Variants in FRYL observed in about 807,000 individuals in gnomAD.
The protein encoded by FRYL is FRY like transcription coactivator.
In FRYL, 150 loss-of-function variants were observed where a neutral mutation model predicts 351.2. That is an observed-to-expected ratio of 0.43 (90% confidence interval 0.37 to 0.49). The LOEUF (loss-of-function observed/expected upper bound fraction) is 0.49, where lower values mean the gene tolerates loss of function less well. Among genes scored for constraint, FRYL ranks in the 20% least tolerant of loss-of-function variants. The pLI, the probability that FRYL is intolerant of heterozygous loss-of-function variation, is 0.00. For missense variants in FRYL, 3,036 were observed against 3,619.3 expected (o/e 0.84, Z 4.13); for synonymous variants, 1,153 against 1,257.1 (o/e 0.92, Z 1.75).
intron 59 of FRYL, among the ~76,000 whole-genome samples, chr4:48,509,710 A>G (rs979046247): frequency 2.6e-5 from 4 of 152,194 alleles, no homozygotes; most frequent in Non-Finnish European, 4.4e-5. Context: ...CATGGGAAAA[A>G]GATTACAGCT....
chr4:48,748,606 G>A (rs947220792), intron 1 of FRYL, among the ~76,000 whole-genome samples: 23 of 152,126 alleles, frequency 1.5e-4, no homozygotes, highest in African/African-American at 5.1e-4. Flanking sequence ...CAGATGGGAA[G>A]TAGATACTTA....
chr4:48,763,780 A>G (rs961204577), intron 1 of FRYL, among the ~76,000 whole-genome samples: 4 of 152,338 alleles, frequency 2.6e-5, no homozygotes, highest in South Asian at 2.1e-4. Flanking sequence ...CTAGAAGTCC[A>G]TATAGGAAAG....
intron 25 of FRYL, chr4:48,574,412 T>C (rs1361655859): frequency 6.6e-6 from 1 of 152,188 alleles, no homozygotes; most frequent in Non-Finnish European, 1.5e-5. Flanking sequence ...CCTATAGATA[T>C]ATTACAATTT....
chr4:48,605,682 A>G, intron 11 of FRYL, 59 bp downstream of exon 11: 1 of 1,075,664 alleles, frequency 9.3e-7, no homozygotes, highest in South Asian at 1.3e-5. Context: ...ATAAAAGTAT[A>G]AGGTTGATAA....
chr4:48,685,798 G>C (rs533365741), intron 2 of FRYL, among the ~76,000 whole-genome samples: 1 of 151,896 alleles, frequency 6.6e-6, no homozygotes, highest in South Asian at 2.1e-4. Flanking sequence ...TTGTTGCCCA[G>C]GCTAGAGTGC....
At chr4:48,646,608 T>A (rs985649385) in intron 3 of FRYL, among the ~76,000 whole-genome samples, 7 of 152,126 alleles carry the variant, frequency 4.6e-5, no homozygotes, top group African/African-American at 9.7e-5. Flanking sequence ...CTGCAAACAG[T>A]TACTTCCAGA....
chr4:48,519,576 C>A (rs1187446301), intron 55 of FRYL, among the ~76,000 whole-genome samples: 1 of 151,538 alleles, frequency 6.6e-6, no homozygotes, highest in East Asian at 1.9e-4. Context: ...GATCTCGGCT[C>A]CCTGTAACCT....
At chr4:48,698,263 T>C (rs552502527) in intron 2 of FRYL, among the ~76,000 whole-genome samples, 140 of 152,366 alleles carry the variant, frequency 9.2e-4, no homozygotes, top group Admixed American at 1.6e-3. Context: ...AGACTTACTA[T>C]AGCCACAATC....
In FRYL at chr4:48,716,920, C is replaced by A. The variant is rs201579476; in HGVS notation, c.-383-6222G>T. ...GGATTAAGAAAATGTGGCACATATA[C>A]ACCATGGAATACTATGCAGCCATAA... On this transcript the variant is annotated intron_variant, in intron 1 of 63. Transcript: ENST00000358350. Among the ~76,000 whole-genome samples, 17 of 151,236 alleles carry A rather than the reference C, an allele frequency of 1.1e-4. No homozygotes were observed. The East Asian group carries it at 3.3e-3, about 30-fold the overall frequency.
In FRYL at chr4:48,667,655, C is replaced by CT. The variant is rs933514703; in HGVS notation, c.-81+17017dup. 1.7e-4 allele frequency among the ~76,000 whole-genome samples: 26 copies of CT among 151,062 alleles called. 1 individual carries two copies. The highest frequency in any genetic ancestry group is 9.9e-4 in the Admixed American group (15 of 15,180). ...GGACCCTTTCTTCAAAGCTTCCATT[C>CT]TTTTTTTTTGGAGACAGGATCTTGC... On this transcript the variant is annotated intron_variant, in intron 3 of 63. Coordinates refer to ENST00000358350, the MANE Select transcript of FRYL (RefSeq NM_015030.2).
intron 2 of FRYL, among the ~76,000 whole-genome samples, chr4:48,700,378 C>G (rs964368087): frequency 9.2e-5 from 14 of 152,156 alleles, no homozygotes; most frequent in Admixed American, 2.6e-4. Flanking sequence ...ACCATCACTA[C>G]TAGTTACATA....
At chr4:48,778,173 G>A (rs574948073) in intron 1 of FRYL, among the ~76,000 whole-genome samples, 1 of 152,286 alleles carries the variant, frequency 6.6e-6, no homozygotes, top group African/African-American at 2.4e-5. Flanking sequence ...GAGAAGAATA[G>A]ATTTTTATTT....
At chr4:48,774,206 T>A (rs1448444509) in intron 1 of FRYL, among the ~76,000 whole-genome samples, 10 of 152,148 alleles carry the variant, frequency 6.6e-5, no homozygotes, top group African/African-American at 4.8e-5. Flanking sequence ...AACTCTGAAA[T>A]AGAATAAAAA....
chr4:48,724,546 C>A (rs1313162984), intron 1 of FRYL, among the ~76,000 whole-genome samples: 1 of 152,110 alleles, frequency 6.6e-6, no homozygotes, highest in Admixed American at 6.6e-5. Flanking sequence ...TTTGTCTACC[C>A]GACTAAAAAG....
At chr4:48,611,400 C>A (rs1398491537) in intron 7 of FRYL, among the ~76,000 whole-genome samples, 1 of 151,458 alleles carries the variant, frequency 6.6e-6, no homozygotes, top group East Asian at 1.9e-4. Context: ...ATTTTTGATC[C>A]AAGGTTGGCT....
chr4:48,688,392 T>C (rs1765364693), intron 2 of FRYL, among the ~76,000 whole-genome samples: 1 of 152,196 alleles, frequency 6.6e-6, no homozygotes, highest in Non-Finnish European at 1.5e-5. Context: ...CCAAAGATGG[T>C]GTAAAACAAG....
Position 48,582,614 on chromosome 4 carries a change from A to G in FRYL, c.1869T>C (p.Val623=), listed in dbSNP as rs1428969807. The change falls in exon 20 of 64, where the codon GTT becomes GTC. Residue 623 remains valine, a synonymous_variant. Coordinates refer to ENST00000358350, the MANE Select transcript of FRYL (RefSeq NM_015030.2). ...DVLSGFVYFI[V]REVTDVHPTL... ...TGGGATGGACATCAGTCACTTCACG[A>G]ACAATAAAATAAACAAATCCTGAAA... The G allele has an allele frequency of 6.2e-7, 1 of 1,613,976 alleles. No homozygotes were observed. Among genetic ancestry groups the G allele is most frequent in the Non-Finnish European group, 8.5e-7 (1 of 1,179,878 alleles).
chr4:48,674,730 C>T (rs1326272426), intron 3 of FRYL, among the ~76,000 whole-genome samples: 1 of 11,998 alleles, frequency 8.3e-5, no homozygotes, highest in African/African-American at 3.2e-4. Flanking sequence ...GAGCAAGACT[C>T]TGTCTCAAAA....
intron 55 of FRYL, among the ~76,000 whole-genome samples, chr4:48,518,056 C>T (rs540824550): frequency 6.6e-6 from 1 of 152,188 alleles, no homozygotes; most frequent in East Asian, 1.9e-4. Context: ...TGTCATGTTC[C>T]CTGTGGATAG....
Sources: gnomAD v4.1 joint callset for allele counts (sites outside exome capture counted in the v4.1 genomes callset) on GRCh38, gnomAD v4.1.1 for gene constraint, MANE v1.5 for transcripts, NCBI Gene and HGNC (gene_info 2026-07-23, HGNC 2026-07-21) for gene names.